The following MCCC1 variants were observed in gnomAD, a reference collection of about 807,000 sequenced individuals.
MCCC1 encodes the protein methylcrotonoyl-CoA carboxylase subunit alpha, mitochondrial.
MCCC1 carries 64 observed loss-of-function variants against 83.8 expected under a neutral mutation model. The observed-to-expected ratio is 0.76, with a 90% CI of 0.62 to 0.94. MCCC1 has a LOEUF of 0.94. MCCC1 is among the 40% of genes least tolerant of loss of function. The probability of loss-of-function intolerance (pLI) is 0.00; values close to 1 mark genes in which losing one functional copy is unlikely to be tolerated. For missense variants in MCCC1, 807 were observed against 904.7 expected (o/e 0.89, Z 1.39); for synonymous variants, 322 against 315.4 (o/e 1.02, Z -0.22).
At chr3:183,019,690 C>T (rs181761891) in intron 17 of MCCC1, among the ~76,000 whole-genome samples, 11 of 152,332 alleles carry the variant, frequency 7.2e-5, no homozygotes, top group Admixed American at 6.5e-4. Context: ...TTATATACTG[C>T]ATTCAACACC....
chr3:183,054,212 G>A (rs1417877886), intron 8 of MCCC1, among the ~76,000 whole-genome samples: 1 of 145,046 alleles, frequency 6.9e-6, no homozygotes, highest in Admixed American at 7.0e-5. Context: ...TTTGAGAGGA[G>A]TCTTGCTCTG....
At chr3:183,023,066 T>C (rs1712290567) in intron 15 of MCCC1, among the ~76,000 whole-genome samples, 1 of 152,216 alleles carries the variant, frequency 6.6e-6, no homozygotes, top group African/African-American at 2.4e-5. Flanking sequence ...AGTTATGATT[T>C]AAGAACATAA....
In MCCC1 at chr3:183,064,627, C is replaced by A. The variant is rs1285602841; in HGVS notation, c.761+6372G>T. Among the ~76,000 whole-genome samples, 1 of 152,194 alleles carries A rather than the reference C, an allele frequency of 6.6e-6. No homozygotes were observed. Among genetic ancestry groups the A allele is most frequent in the Non-Finnish European group, 1.5e-5 (1 of 68,026 alleles). ...TTCGCCGGCTGCGGTACGCCTCCTG[C>A]GCGTTGCCGAAGTCCACTGCGGGCA... On this transcript the variant is annotated intron_variant, in intron 7 of 18. Coordinates refer to ENST00000265594, the MANE Select transcript of MCCC1 (RefSeq NM_020166.5). The surrounding 1 kb of genome is among the most constrained non-coding windows in gnomAD (Gnocchi z 4.5).
chr3:183,097,468 C>CATGA (rs1718826291), intron 1 of MCCC1, among the ~76,000 whole-genome samples: 1 of 152,230 alleles, frequency 6.6e-6, no homozygotes, highest in African/African-American at 2.4e-5. Flanking sequence ...TCATGGCTCA[C>CATGA]TACGGCCTGG....
At chr3:183,069,815 T>G (rs1560255321) in intron 7 of MCCC1, among the ~76,000 whole-genome samples, 1 of 152,100 alleles carries the variant, frequency 6.6e-6, no homozygotes, top group Non-Finnish European at 1.5e-5. Flanking sequence ...AATCAGCATC[T>G]TAAACAACAA....
chr3:183,043,918 T>C (rs957927543), intron 10 of MCCC1, among the ~76,000 whole-genome samples: 42 of 152,274 alleles, frequency 2.8e-4, no homozygotes, highest in African/African-American at 9.6e-4. Context: ...ATATAAACAC[T>C]CCTTCCAGAA....
At chr3:183,036,281 A>T (rs547944231) in intron 13 of MCCC1, among the ~76,000 whole-genome samples, 6 of 152,066 alleles carry the variant, frequency 3.9e-5, no homozygotes, top group Non-Finnish European at 8.8e-5. Flanking sequence ...ATTCTATGAC[A>T]CTATGAAGTC....
chr3:183,094,658 T>C, intron 1 of MCCC1, 53 bp from the exon 2 acceptor site: 1 of 1,550,062 alleles, frequency 6.5e-7, no homozygotes, highest in Non-Finnish European at 8.9e-7. Context: ...GCAACACAAT[T>C]GTTCTTTCAA....
intron 13 of MCCC1, 25 bp downstream of exon 13, chr3:183,037,193 G>C: frequency 6.2e-7 from 1 of 1,609,522 alleles, no homozygotes; most frequent in Non-Finnish European, 8.5e-7. Context: ...TTGACAAGCA[G>C]AGGAAAGAGA....
intron 7 of MCCC1, among the ~76,000 whole-genome samples, chr3:183,068,930 G>T (rs894057285): frequency 6.6e-6 from 1 of 152,132 alleles, no homozygotes; most frequent in African/African-American, 2.4e-5. Context: ...TTTGTGTAAG[G>T]ACACTCTATG....
At chr3:183,091,074 A>G (rs79813804) in intron 3 of MCCC1, 1 of 456,440 alleles carries the variant, frequency 2.2e-6, no homozygotes, top group East Asian at 6.9e-5. Flanking sequence ...GTTGGAATGA[A>G]GCGAAACAAG....
At chr3:183,104,261 C>G (rs1297593783), upstream of MCCC1, among the ~76,000 whole-genome samples, 2 of 152,192 alleles carry the variant, frequency 1.3e-5, no homozygotes, top group African/African-American at 4.8e-5. Flanking sequence ...AGAAGAGGCG[C>G]CGAGAGCGAG....
intron 7 of MCCC1, among the ~76,000 whole-genome samples, chr3:183,058,295 A>G (rs978427289): frequency 2.0e-5 from 3 of 152,220 alleles, no homozygotes; most frequent in Admixed American, 1.3e-4. Flanking sequence ...GTATCTCAGA[A>G]ATACATGAAC....
rs568507329 is a variant in MCCC1 at position 183,052,625 on chromosome 3, G to A, written c.874-385C>T. ...AGATTGAGACCATCCTGGCTAACAC[G>A]GTGAAACCCTGTCTCTACTAAAAAT... On this transcript the variant is annotated intron_variant, in intron 8 of 18. Transcript: ENST00000265594. Among the ~76,000 whole-genome samples, 120 of 151,870 alleles carry A rather than the reference G, an allele frequency of 7.9e-4. 1 individual carries two copies. The highest frequency in any genetic ancestry group is 4.1e-3 in the Admixed American group (62 of 15,218).
intron 8 of MCCC1, among the ~76,000 whole-genome samples, chr3:183,056,772 C>T (rs1409432230): frequency 6.6e-6 from 1 of 152,196 alleles, no homozygotes; most frequent in African/African-American, 2.4e-5. Context: ...CGGCTCACTG[C>T]AACCTCCGCC....
intron 4 of MCCC1, among the ~76,000 whole-genome samples, chr3:183,074,907 C>T (rs1174750236): frequency 6.6e-6 from 1 of 152,232 alleles, no homozygotes; most frequent in East Asian, 1.9e-4. Flanking sequence ...TCTTTTGTTT[C>T]CTTCTTTGTG....
intron 4 of MCCC1, among the ~76,000 whole-genome samples, chr3:183,075,425 T>G (rs749277023): frequency 2.6e-5 from 4 of 152,210 alleles, no homozygotes; most frequent in African/African-American, 4.8e-5. Flanking sequence ...TGTGAGATGG[T>G]GTCTCATTGT....
intron 4 of MCCC1, among the ~76,000 whole-genome samples, chr3:183,073,217 G>A (rs1409310729): frequency 2.0e-5 from 3 of 152,104 alleles, no homozygotes; most frequent in African/African-American, 7.2e-5. Context: ...TGGATCATAT[G>A]GTACAGAAGT....
chr3:183,091,893 C>T (rs1718373663), intron 3 of MCCC1, among the ~76,000 whole-genome samples: 1 of 152,024 alleles, frequency 6.6e-6, no homozygotes, highest in South Asian at 2.1e-4. Flanking sequence ...AAAAAATTAG[C>T]CGGTCGTGGT....
Sources: gnomAD v4.1 joint callset for allele counts (sites outside exome capture counted in the v4.1 genomes callset) on GRCh38, gnomAD v4.1.1 for gene constraint, Gnocchi (gnomAD v3.1) non-coding constraint, MANE v1.5 for transcripts, NCBI Gene and HGNC (gene_info 2026-07-23, HGNC 2026-07-21) for gene names.